The following MCCC1 variants were observed in gnomAD, a reference collection of about 807,000 sequenced individuals.
MCCC1 encodes methylcrotonyl-CoA carboxylase subunit 1, also known as methylcrotonoyl-CoA carboxylase subunit alpha, mitochondrial.
In MCCC1, 64 loss-of-function variants were observed where a neutral mutation model predicts 83.8. The observed-to-expected ratio is 0.76, with a 90% confidence interval of 0.62 to 0.94. The LOEUF is 0.94. Ranked by LOEUF, MCCC1 falls within the 40% of genes least tolerant of loss-of-function variation. The pLI, the probability that MCCC1 is intolerant of heterozygous loss-of-function variation, is 0.00. For synonymous variants in MCCC1, 322 were observed against 315.4 expected (o/e 1.02, Z -0.22); for missense variants, 807 against 904.7 (o/e 0.89, Z 1.39).
At chr3:183,092,684 A>C in intron 2 of MCCC1, 139 bp from the exon 3 acceptor site, 1 of 982,186 alleles carries the variant, frequency 1.0e-6, no homozygotes, top group East Asian at 2.6e-5. Context: ...AACTGAGCCC[A>C]AAATGACCAC....
chr3:183,050,057 T>C (rs954773017), intron 9 of MCCC1, among the ~76,000 whole-genome samples: 1 of 151,840 alleles, frequency 6.6e-6, no homozygotes, highest in Non-Finnish European at 1.5e-5. Flanking sequence ...GAAGTGGAGG[T>C]TGCAGTGAGC....
Position 183,022,410 on chromosome 3 carries a change from A to G in MCCC1, c.1869+7T>C. On this transcript the variant is annotated splice_region_variant and intron_variant, in intron 16 of 18. Transcript: ENST00000265594. ...CCAGGAGGGATATTATAAAGAAGAG[A>G]CATTACCTTGGAAAATAGGTAAATA... 6.2e-7 allele frequency: 1 copy of G among 1,613,942 alleles called. No individual in the cohort carries two copies. The highest frequency in any genetic ancestry group is 1.7e-5 in the Admixed American group (1 of 60,020).
intron 16 of MCCC1, among the ~76,000 whole-genome samples, chr3:183,021,119 C>G (rs1003793676): frequency 1.3e-5 from 2 of 152,152 alleles, no homozygotes; most frequent in Non-Finnish European, 2.9e-5. Context: ...TGTCTGGAAG[C>G]CATTTTCAGT....
chr3:183,099,454 G>C lies in MCCC1; in HGVS notation c.-14C>G, dbSNP rs763377958. The C allele has an allele frequency of 1.3e-6, 2 of 1,598,308 alleles. No homozygotes were observed. The highest frequency in any genetic ancestry group is 1.7e-6 in the Non-Finnish European group (2 of 1,173,440). ...GGCCGCCGCCATGTCCCTGGAGCCC[G>C]GCCACTCCGTGACTCCCCAGTACAG... On this transcript the variant is annotated 5_prime_UTR_variant, in exon 1 of 19. Transcript: ENST00000265594.
chr3:183,033,430 G>A (rs560215773), intron 14 of MCCC1, among the ~76,000 whole-genome samples: 4 of 152,078 alleles, frequency 2.6e-5, no homozygotes, highest in Non-Finnish European at 5.9e-5. Flanking sequence ...TCTTCCATAC[G>A]TGGGTATAAC....
chr3:183,061,386 T>C (rs570357109), intron 7 of MCCC1, among the ~76,000 whole-genome samples: 2 of 152,194 alleles, frequency 1.3e-5, no homozygotes, highest in Non-Finnish European at 2.9e-5. Context: ...TTAGGGAGAA[T>C]AGAATGCTCT....
intron 7 of MCCC1, among the ~76,000 whole-genome samples, chr3:183,070,073 A>T (rs1422409200): frequency 6.6e-6 from 1 of 152,248 alleles, no homozygotes; most frequent in African/African-American, 2.4e-5. Context: ...GGTTGTTGTA[A>T]GAATTATATT....
intron 3 of MCCC1, among the ~76,000 whole-genome samples, chr3:183,088,926 A>G (rs139758580): frequency 6.6e-6 from 1 of 152,338 alleles, no homozygotes; most frequent in East Asian, 1.9e-4. Flanking sequence ...TTATAACGGC[A>G]AAAAACTGGA....
At chr3:183,030,125 T>C (rs972217621) in intron 14 of MCCC1, among the ~76,000 whole-genome samples, 5 of 152,200 alleles carry the variant, frequency 3.3e-5, no homozygotes, top group Admixed American at 2.6e-4. Flanking sequence ...CTGGCCAACA[T>C]GGTGAAACCC....
chr3:183,061,240 T>G (rs529240725), intron 7 of MCCC1, among the ~76,000 whole-genome samples: 1 of 152,248 alleles, frequency 6.6e-6, no homozygotes, highest in East Asian at 1.9e-4. Flanking sequence ...TGCTGCGAAG[T>G]ATTTCTAAGT....
chr3:183,112,420 G>C (rs1357464178), intron 1 of MCCC1, among the ~76,000 whole-genome samples: 2 of 152,094 alleles, frequency 1.3e-5, no homozygotes, highest in African/African-American at 4.8e-5. Flanking sequence ...GGCTGCAGTG[G>C]CTCCTACCAT....
intron 2 of MCCC1, among the ~76,000 whole-genome samples, chr3:183,093,475 T>G (rs1388392514): frequency 6.6e-6 from 1 of 152,194 alleles, no homozygotes; most frequent in Non-Finnish European, 1.5e-5. Context: ...TAGGTGTGTG[T>G]GGTTCTCTTG....
chr3:183,074,582 T>C (rs879333601), intron 4 of MCCC1, among the ~76,000 whole-genome samples: 16 of 152,280 alleles, frequency 1.1e-4, no homozygotes, highest in Non-Finnish European at 1.9e-4. Context: ...AAGCTTCACA[T>C]ATCTGGGAAA....
intron 8 of MCCC1, among the ~76,000 whole-genome samples, chr3:183,055,339 G>A (rs1029927502): frequency 1.3e-5 from 2 of 152,048 alleles, no homozygotes; most frequent in African/African-American, 4.8e-5. Context: ...AAACCCGCGA[G>A]GCGGAGGATG....
chr3:183,039,279 G>C, intron 11 of MCCC1, 144 bp from the exon 12 acceptor site: 1 of 896,572 alleles, frequency 1.1e-6, no homozygotes, highest in East Asian at 2.7e-5. Context: ...TTATTCATGA[G>C]GACCCTGAGG....
At chr3:183,072,226 G>T in intron 5 of MCCC1, 140 bp downstream of exon 5, 1 of 967,514 alleles carries the variant, frequency 1.0e-6, no homozygotes, top group Non-Finnish European at 1.6e-6. Flanking sequence ...TGCCCAGGCT[G>T]GTCTTGAATT....
intron 18 of MCCC1, chr3:183,016,221 C>G (rs1005824032): frequency 5.4e-5 from 8 of 149,488 alleles, no homozygotes; most frequent in African/African-American, 2.0e-4. Context: ...GCCACTGCGC[C>G]TGGCCTTGTT....
chr3:183,033,954 A>C, intron 14 of MCCC1, 37 bp downstream of exon 14: 1 of 1,453,282 alleles, frequency 6.9e-7, no homozygotes, highest in East Asian at 2.3e-5. Context: ...ATACATTTCT[A>C]TGACTCACAT....
intron 8 of MCCC1, among the ~76,000 whole-genome samples, chr3:183,053,193 G>A (rs547273454): frequency 7.9e-5 from 12 of 152,134 alleles, no homozygotes; most frequent in East Asian, 3.9e-4. Context: ...AAAACAGGCC[G>A]GGTGTGGTGG....
Sources: gnomAD v4.1 joint callset for allele counts (sites outside exome capture counted in the v4.1 genomes callset) on GRCh38, gnomAD v4.1.1 for gene constraint, MANE v1.5 for transcripts, NCBI Gene and HGNC (gene_info 2026-07-23, HGNC 2026-07-21) for gene names.